Variants in ATAD2B observed in about 807,000 individuals in gnomAD.
ATAD2B encodes the protein ATPase family AAA domain-containing protein 2B.
In ATAD2B, 40 loss-of-function variants were observed where a neutral mutation model predicts 167.6. The ratio of observed to expected loss-of-function variants is 0.24; its 90% CI spans 0.19 to 0.31. ATAD2B has a LOEUF of 0.31. Among genes scored for constraint, ATAD2B ranks in the 10% least tolerant of loss-of-function variants. The probability of loss-of-function intolerance (pLI) is 1.00; values close to 1 mark genes in which losing one functional copy is unlikely to be tolerated. For synonymous variants in ATAD2B, 579 were observed against 596.5 expected, an observed-to-expected ratio of 0.97 and a Z score of 0.43; for missense variants, 1,242 against 1,757.2, an observed-to-expected ratio of 0.71 and a Z score of 5.24.
chr2:23,840,125 T>C (rs1464527492), intron 13 of ATAD2B, among the ~76,000 whole-genome samples: 1 of 152,234 alleles, frequency 6.6e-6, no homozygotes, highest in Non-Finnish European at 1.5e-5. Context: ...TGTTTATCCA[T>C]TCACATGTTG....
At chr2:23,703,233 A>G in the ATAD2B span, 1 of 1,528,982 alleles carries the variant, frequency 6.5e-7, no homozygotes, top group African/African-American at 1.4e-5. Context: ...CCTCTGCCCA[A>G]GGCAGTACAC....
At chr2:23,914,489 T>C (rs1265999729) in intron 1 of ATAD2B, among the ~76,000 whole-genome samples, 1 of 151,968 alleles carries the variant, frequency 6.6e-6, no homozygotes, top group East Asian at 1.9e-4. Context: ...AAATAGTAAC[T>C]AAAGAAAGGC....
At chr2:23,692,086 C>G in the ATAD2B span, among the ~76,000 whole-genome samples, 172 of 152,338 alleles carry the variant, frequency 1.1e-3, 1 homozygote, top group African/African-American at 4.0e-3. Context: ...GAAGAGGACT[C>G]CGTGTCATTT....
intron 1 of ATAD2B, among the ~76,000 whole-genome samples, chr2:23,914,115 A>G (rs1006932254): frequency 6.6e-6 from 1 of 152,182 alleles, no homozygotes; most frequent in Non-Finnish European, 1.5e-5. Context: ...AAAAAAAAGT[A>G]TAGTATTGCC....
At chr2:23,907,839 T>G (rs1427238475) in intron 1 of ATAD2B, among the ~76,000 whole-genome samples, 2 of 152,068 alleles carry the variant, frequency 1.3e-5, no homozygotes, top group Non-Finnish European at 2.9e-5. Flanking sequence ...ACGCCGCATA[T>G]CTACAATTAT....
In ATAD2B at chr2:23,823,528, C is replaced by T. The variant is rs376297258; in HGVS notation, c.1861G>A (p.Ala621Thr). Residue 621 changes from alanine to threonine, a missense_variant, in exon 16 of 28, where the codon GCC becomes ACC. Coordinates refer to ENST00000238789, the MANE Select transcript of ATAD2B (RefSeq NM_017552.4). Reference protein sequence around the residue: ...ADIKALCTEAALIALRRRYPQ... With the variant: ...ADIKALCTEATLIALRRRYPQ... ...TAACGCCTCCGCAGTGCAATCAGGG[C>T]GGCTTCAGTGCACAGGGCCTTGATA... 7.4e-6 allele frequency: 12 copies of T among 1,613,096 alleles called. No homozygotes were observed. Among genetic ancestry groups the T allele is most frequent in the Middle Eastern group, 1.8e-4 (1 of 5,490 alleles).
intron 24 of ATAD2B, among the ~76,000 whole-genome samples, chr2:23,759,666 A>C (rs577641415): frequency 6.6e-6 from 1 of 152,280 alleles, no homozygotes; most frequent in South Asian, 2.1e-4. Flanking sequence ...TTTCCTTCAA[A>C]ACTGTAATCC....
chr2:23,866,838 G>GA (rs1390315841), intron 10 of ATAD2B, among the ~76,000 whole-genome samples: 1 of 151,660 alleles, frequency 6.6e-6, no homozygotes, highest in African/African-American at 2.4e-5. Context: ...AGATTTTTGG[G>GA]AAAAAAGAAA....
chr2:23,821,136 T>C (rs1473808294), intron 16 of ATAD2B, among the ~76,000 whole-genome samples: 2 of 152,224 alleles, frequency 1.3e-5, no homozygotes, highest in Non-Finnish European at 2.9e-5. Context: ...AAATAAAATT[T>C]GGTTGCTCTT....
chr2:23,906,351 G>C (rs1701492015), intron 1 of ATAD2B, among the ~76,000 whole-genome samples: 1 of 151,866 alleles, frequency 6.6e-6, no homozygotes, highest in African/African-American at 2.4e-5. Flanking sequence ...AAAAAAAAAA[G>C]AAAGGTCATT....
the ATAD2B span, among the ~76,000 whole-genome samples, chr2:23,740,559 A>G: frequency 2.0e-5 from 3 of 152,066 alleles, no homozygotes; most frequent in Admixed American, 6.5e-5. Flanking sequence ...TCTCAAAATA[A>G]TAAGAGCTAT....
intron 13 of ATAD2B, among the ~76,000 whole-genome samples, chr2:23,839,101 T>C (rs1690466490): frequency 6.6e-6 from 1 of 152,200 alleles, no homozygotes. Context: ...ATACAAAATT[T>C]ATGTTTATAT....
chr2:23,720,113 A>C, the ATAD2B span, among the ~76,000 whole-genome samples: 1 of 152,202 alleles, frequency 6.6e-6, no homozygotes. Flanking sequence ...CAGCAAAAAA[A>C]CCTCTGAGCT....
chr2:23,919,612 G>A (rs1703599466), intron 1 of ATAD2B, among the ~76,000 whole-genome samples: 1 of 152,044 alleles, frequency 6.6e-6, no homozygotes, highest in African/African-American at 2.4e-5. Flanking sequence ...AGAGGCCGAG[G>A]CGGGCAAATC....
At chr2:23,734,322 A>G in the ATAD2B span, among the ~76,000 whole-genome samples, 1 of 151,900 alleles carries the variant, frequency 6.6e-6, no homozygotes, top group Non-Finnish European at 1.5e-5. Flanking sequence ...ACGCCTGGCT[A>G]ATTTTTTTGC....
At chr2:23,849,181 A>G (rs765491492) in intron 13 of ATAD2B, among the ~76,000 whole-genome samples, 9 of 152,210 alleles carry the variant, frequency 5.9e-5, no homozygotes, top group Non-Finnish European at 1.5e-5. Context: ...ATTAAGAGAC[A>G]ATGCAATTAA....
Position 23,911,685 on chromosome 2 carries a change from G to A in ATAD2B, c.216+14870C>T, listed in dbSNP as rs78368438. Among the ~76,000 whole-genome samples the A allele has an allele frequency of 3.9e-4, 59 of 152,044 alleles. No homozygotes were observed. The East Asian group carries it at 0.01, about 27-fold the overall frequency. On this transcript the variant is annotated intron_variant, in intron 1 of 27. Coordinates refer to ENST00000238789, the MANE Select transcript of ATAD2B (RefSeq NM_017552.4). The stretch of plus-strand genomic sequence containing the variant: ...CACACATGCACACACAAAGCAAAAC[G>A]TATAACTTAAAACCAGCAGTGACTC...
chr2:23,679,724 A>G, the ATAD2B span, among the ~76,000 whole-genome samples: 1 of 152,230 alleles, frequency 6.6e-6, no homozygotes, highest in Non-Finnish European at 1.5e-5. Flanking sequence ...AACTCCTAGT[A>G]TCGATAAAGA....
chr2:23,689,858 C>T, the ATAD2B span: 1 of 152,276 alleles, frequency 6.6e-6, no homozygotes, highest in Non-Finnish European at 1.5e-5. Context: ...ACAAAGCCAC[C>T]GAGGTATGGA....
Sources: gnomAD v4.1 joint callset for allele counts (sites outside exome capture counted in the v4.1 genomes callset) on GRCh38, gnomAD v4.1.1 for gene constraint, MANE v1.5 for transcripts, NCBI Gene and HGNC (gene_info 2026-07-23, HGNC 2026-07-21) for gene names.